GPRC5A: variants seen among roughly 807,000 people sequenced by gnomAD.
The protein encoded by GPRC5A is G protein-coupled receptor class C group 5 member A.
GPRC5A carries 19 observed loss-of-function variants against 22.5 expected under a neutral mutation model. The observed-to-expected ratio is 0.85, with a 90% CI of 0.59 to 1.24. GPRC5A has a LOEUF of 1.24. Ranked by LOEUF, GPRC5A falls within the 50% of genes most tolerant of loss-of-function variation. The pLI, the probability that GPRC5A is intolerant of heterozygous loss-of-function variation, is 0.00. For synonymous variants in GPRC5A, 192 were observed against 184.5 expected (o/e 1.04, Z -0.33); for missense variants, 471 against 451.1 (o/e 1.04, Z -0.40).
Position 12,916,514 on chromosome 12 carries a change from C to A in GPRC5A, c.*3975C>A, listed in dbSNP as rs533773243. 1 of 152,312 alleles carries A rather than the reference C, an allele frequency of 6.6e-6. No individual in the cohort carries two copies. The highest frequency in any genetic ancestry group is 2.1e-4 in the South Asian group (1 of 4,824). 9.4% of individuals were successfully genotyped at this position (152,312 alleles called of 1,614,324 possible). On this transcript the variant is annotated 3_prime_UTR_variant, in exon 4 of 4. Transcript: ENST00000014914. ...GGGCACCAAGCTGAGCTGCAGACAC[C>A]CAGTAGGCGCGAGGCAAATGCGTCC...
Position 12,908,903 on chromosome 12 carries a change from C to T in GPRC5A, c.654C>T (p.Leu218=), listed in dbSNP as rs1242601012. The T allele has an allele frequency of 3.3e-5, 54 of 1,614,214 alleles. No individual in the cohort carries two copies. Among genetic ancestry groups the T allele is most frequent in the Non-Finnish European group, 4.4e-5 (52 of 1,180,032 alleles). ...RHGAHIYLTM[L]LSIAIWVAWI... Reference sequence around the variant, plus strand: ...GGGCCCACATCTACCTCACGATGCTCCTCTCCATTGCCATCTGGGTGGCCT... The same window carrying T: ...GGGCCCACATCTACCTCACGATGCTTCTCTCCATTGCCATCTGGGTGGCCT... The change falls in exon 2 of 4, where the codon CTC becomes CTT. Residue 218 remains leucine (L), a synonymous_variant. Transcript: ENST00000014914.
rs138729760 is a variant in GPRC5A at position 12,905,346 on chromosome 12, G to A, written c.-7-2897G>A. ...CTTTAGGGCTGGAGGTGACCTCTGC[G>A]AGCCTTCCCTTCCTCTAACTCTGGC... On this transcript the variant is annotated intron_variant, in intron 1 of 3. Coordinates refer to ENST00000014914, the MANE Select transcript of GPRC5A (RefSeq NM_003979.4). Among the ~76,000 whole-genome samples, 236 of 152,134 alleles carry A rather than the reference G, an allele frequency of 1.6e-3. 4 individuals are homozygous for A. The East Asian group carries it at 0.032, about 21-fold the overall frequency.
At position 12,908,372 on chromosome 12, in the gene GPRC5A, C is replaced by T; in HGVS notation, c.123C>T (p.Thr41=). The part of the protein sequence containing the change: ...LETVATAGVV[T]SVAFMLTLPI... ...CGGTGGCCACAGCCGGGGTTGTGAC[C>T]TCGGTGGCCTTCATGCTCACTCTCC... Residue 41 remains threonine, a synonymous_variant, in exon 2 of 4, where the codon ACC becomes ACT. Coordinates refer to ENST00000014914, the MANE Select transcript of GPRC5A (RefSeq NM_003979.4). 1.2e-6 allele frequency: 2 copies of T among 1,614,132 alleles called. No individual in the cohort carries two copies. Among genetic ancestry groups the T allele is most frequent in the South Asian group, 2.2e-5 (2 of 91,070 alleles).
chr12:12,912,738 C>T lies in GPRC5A; in HGVS notation c.*199C>T, dbSNP rs1864018230. 1 of 497,424 alleles carries T rather than the reference C, an allele frequency of 2.0e-6. No homozygotes were observed. The allele number at this position is 497,424 out of a possible 1,614,324, so 30.8% of individuals were successfully genotyped here. On this transcript the variant is annotated 3_prime_UTR_variant, in exon 4 of 4. Transcript: ENST00000014914. ...AGTAAGACTCCAGTTCTTAGAGGCG[C>T]TGTAGTATTTTTTTTTTTTTGTCTC...
At chr12:12,902,468 G>C (rs555259197) in intron 1 of GPRC5A, among the ~76,000 whole-genome samples, 8 of 152,072 alleles carry the variant, frequency 5.3e-5, no homozygotes, top group African/African-American at 1.9e-4. Flanking sequence ...TTATCTTTTA[G>C]AGAGACGTTC....
At position 12,913,327 on chromosome 12, in the gene GPRC5A, C is replaced by T. The variant is rs555471973; in HGVS notation, c.*788C>T. The T allele has an allele frequency of 2.0e-5, 3 of 153,138 alleles. No homozygotes were observed. In the South Asian group the frequency reaches 6.2e-4, roughly 32 times the overall value. 9.5% of individuals were successfully genotyped at this position (153,138 alleles called of 1,614,324 possible). On this transcript the variant is annotated 3_prime_UTR_variant, in exon 4 of 4. Transcript: ENST00000014914. ...CCCCAGCACCAATTCACAGGTCACC[C>T]CTCTCTTCTTGCACTGTCCCCAAAC...
At position 12,914,409 on chromosome 12, in the gene GPRC5A, C is replaced by T. The variant is rs1864036528; in HGVS notation, c.*1870C>T. The T allele has an allele frequency of 6.6e-6, 1 of 152,100 alleles. No individual in the cohort carries two copies. Among genetic ancestry groups the T allele is most frequent in the African/African-American group, 2.4e-5 (1 of 41,356 alleles). 9.4% of individuals were successfully genotyped at this position (152,100 alleles called of 1,614,324 possible). A position where few individuals can be genotyped will look rare whatever the true frequency, so the allele number is the denominator to read the frequency against. ...GTGACACAGATCCTTCTGGTCTTTC[C>T]CAGGAGGTGTGACCTAATGAGGTTT... On this transcript the variant is annotated 3_prime_UTR_variant, in exon 4 of 4. Coordinates refer to ENST00000014914, the MANE Select transcript of GPRC5A (RefSeq NM_003979.4).
chr12:12,892,658 C>T (rs1056750998), intron 1 of GPRC5A, among the ~76,000 whole-genome samples: 2 of 152,234 alleles, frequency 1.3e-5, no homozygotes, highest in East Asian at 3.9e-4. Flanking sequence ...TGAGCCCCCG[C>T]GCCCGGCCAC....
chr12:12,893,518 A>AT (rs1338208238), intron 1 of GPRC5A, among the ~76,000 whole-genome samples: 1 of 152,012 alleles, frequency 6.6e-6, no homozygotes, highest in Non-Finnish European at 1.5e-5. Flanking sequence ...TTTTATTCTC[A>AT]TTTTTATTGC....
chr12:12,904,500 C>G (rs1406389174), intron 1 of GPRC5A, among the ~76,000 whole-genome samples: 1 of 152,068 alleles, frequency 6.6e-6, no homozygotes, highest in East Asian at 1.9e-4. Context: ...CAGGTGCCAT[C>G]CGTCTCTCTC....
chr12:12,904,006 T>C (rs923155525), intron 1 of GPRC5A, among the ~76,000 whole-genome samples: 16 of 152,284 alleles, frequency 1.1e-4, no homozygotes, highest in Admixed American at 2.6e-4. Context: ...GAAGGAGCAA[T>C]TGGCAGAGAG....
intron 1 of GPRC5A, among the ~76,000 whole-genome samples, chr12:12,907,981 T>C (rs536815847): frequency 6.6e-6 from 1 of 152,316 alleles, no homozygotes; most frequent in African/African-American, 2.4e-5. Context: ...TGTTAGGTTC[T>C]CTGGCTTTAA....
chr12:12,901,248 C>T (rs543184551), intron 1 of GPRC5A, among the ~76,000 whole-genome samples: 1 of 152,310 alleles, frequency 6.6e-6, no homozygotes, highest in South Asian at 2.1e-4. Context: ...CAGTTAATCC[C>T]TCCCAGCTTA....
intron 1 of GPRC5A, among the ~76,000 whole-genome samples, chr12:12,899,548 T>C (rs1393239035): frequency 2.0e-5 from 3 of 152,230 alleles, no homozygotes; most frequent in South Asian, 2.1e-4. Context: ...CCTCACTCTG[T>C]TAGGTTTCTC....
At chr12:12,897,711 C>A (rs1213441594) in intron 1 of GPRC5A, among the ~76,000 whole-genome samples, 1 of 150,340 alleles carries the variant, frequency 6.7e-6, no homozygotes, top group African/African-American at 2.5e-5. Flanking sequence ...TGGGTTCAAG[C>A]GGTTTTTGTG....
Position 12,915,932 on chromosome 12 carries a change from A to G in GPRC5A, c.*3393A>G, listed in dbSNP as rs1483622407. ...GAAGGTTGCTGCTCATTTGAGCAGT[A>G]CCTGTCACCCCTCCTCCCACTGCTG... is the stretch of plus-strand genomic sequence containing the variant. On this transcript the variant is annotated 3_prime_UTR_variant, in exon 4 of 4. Coordinates refer to ENST00000014914, the MANE Select transcript of GPRC5A (RefSeq NM_003979.4). The G allele has an allele frequency of 2.0e-6, 1 of 509,838 alleles. No individual in the cohort carries two copies. Among genetic ancestry groups the G allele is most frequent in the Non-Finnish European group, 4.1e-6 (1 of 244,126 alleles). 31.6% of individuals were successfully genotyped at this position (509,838 alleles called of 1,614,324 possible). A position where few individuals can be genotyped will look rare whatever the true frequency, so the allele number is the denominator to read the frequency against.
At chr12:12,903,913 T>C (rs919356580) in intron 1 of GPRC5A, among the ~76,000 whole-genome samples, 2 of 152,186 alleles carry the variant, frequency 1.3e-5, no homozygotes, top group Non-Finnish European at 2.9e-5. Flanking sequence ...TCAAAGTCCC[T>C]CATAACGATC....
intron 1 of GPRC5A, among the ~76,000 whole-genome samples, chr12:12,905,923 C>T (rs1863937388): frequency 6.6e-6 from 1 of 152,228 alleles, no homozygotes; most frequent in East Asian, 1.9e-4. Flanking sequence ...GATCTCCTAT[C>T]CTCCTGGGGC....
rs1233744465 is a variant in GPRC5A at position 12,914,641 on chromosome 12, A to C, written c.*2102A>C. ...CTTTCTTTCTTTCTTTTTGAGATAG[A>C]GTCTCACTCTGTCATCCAGGCTGGA... On this transcript the variant is annotated 3_prime_UTR_variant, in exon 4 of 4. Transcript: ENST00000014914. 2 of 131,968 alleles carry C rather than the reference A, an allele frequency of 1.5e-5. No individual in the cohort carries two copies. Among genetic ancestry groups the C allele is most frequent in the Non-Finnish European group, 3.2e-5 (2 of 63,062 alleles). 8.2% of individuals were successfully genotyped at this position (131,968 alleles called of 1,614,324 possible).
Sources: gnomAD v4.1 joint callset for allele counts (sites outside exome capture counted in the v4.1 genomes callset) on GRCh38, gnomAD v4.1.1 for gene constraint, MANE v1.5 for transcripts, NCBI Gene and HGNC (gene_info 2026-07-23, HGNC 2026-07-21) for gene names.